The following RYR2 variants were observed in gnomAD, a reference collection of about 807,000 sequenced individuals.
The protein encoded by RYR2 is ryanodine receptor 2.
Under a neutral mutation model 601.1 loss-of-function variants are expected in RYR2, and 227 were observed. The ratio of observed to expected loss-of-function variants is 0.38; its 90% CI spans 0.34 to 0.42. The LOEUF is 0.42. Ranked by LOEUF, RYR2 falls within the 10% of genes least tolerant of loss-of-function variation. The pLI is 1.00. For synonymous variants in RYR2, 2,223 were observed against 2,175.1 expected (o/e 1.02, Z -0.61); for missense variants, 4,646 against 6,156.5 (o/e 0.75, Z 8.21).
intron 73 of RYR2, among the ~76,000 whole-genome samples, chr1:237,721,958 G>A (rs16835660): frequency 0.015 from 2,345 of 152,156 alleles, 19 homozygotes; most frequent in Middle Eastern, 0.037. Flanking sequence ...TTTCATATAC[G>A]TTTTTCACCA....
intron 62 of RYR2, among the ~76,000 whole-genome samples, chr1:237,683,612 G>A (rs990574986): frequency 6.6e-5 from 10 of 152,206 alleles, no homozygotes; most frequent in African/African-American, 2.4e-4. Context: ...TAATTTAGGG[G>A]AAAGGTAGGT....
At chr1:237,729,887 TATG>T (rs1690524589) in intron 76 of RYR2, among the ~76,000 whole-genome samples, 1 of 152,302 alleles carries the variant, frequency 6.6e-6, no homozygotes, top group South Asian at 2.1e-4. Context: ...AGACATGTTA[TATG>T]ATAATAGTCA....
At chr1:237,244,420 T>C (rs1319985713) in intron 1 of RYR2, among the ~76,000 whole-genome samples, 2 of 152,132 alleles carry the variant, frequency 1.3e-5, no homozygotes, top group African/African-American at 4.8e-5. Context: ...CGGCTCCATC[T>C]GCCCTTCTCT....
intron 33 of RYR2, among the ~76,000 whole-genome samples, chr1:237,593,997 G>T (rs1018375165): frequency 3.3e-5 from 5 of 152,184 alleles, no homozygotes; most frequent in African/African-American, 1.2e-4. Flanking sequence ...TCGGGAACTG[G>T]CTATGTGGTG....
At chr1:237,432,423 A>C (rs1044990728) in intron 12 of RYR2, among the ~76,000 whole-genome samples, 6 of 152,176 alleles carry the variant, frequency 3.9e-5, no homozygotes, top group African/African-American at 1.4e-4. Flanking sequence ...GGGCATAAAT[A>C]TATTCAGTTG....
At chr1:237,376,830 A>G (rs759721552) in intron 7 of RYR2, among the ~76,000 whole-genome samples, 22 of 152,250 alleles carry the variant, frequency 1.4e-4, no homozygotes, top group Non-Finnish European at 2.2e-4. Context: ...AGGATAGTAC[A>G]ATCTTTAGAT....
At chr1:237,069,822 T>G (rs551696955) in intron 1 of RYR2, among the ~76,000 whole-genome samples, 30 of 152,218 alleles carry the variant, frequency 2.0e-4, no homozygotes, top group Non-Finnish European at 1.5e-5. Flanking sequence ...GTTTTCACGT[T>G]AATACTGTTT....
intron 46 of RYR2, among the ~76,000 whole-genome samples, chr1:237,640,019 A>G (rs898546529): frequency 6.6e-6 from 1 of 151,266 alleles, no homozygotes; most frequent in African/African-American, 2.4e-5. Context: ...ACTCCCCACC[A>G]CACACACACA....
At chr1:237,500,634 C>G (rs755557697) in intron 20 of RYR2, 77 bp from the exon 21 acceptor site, 4 of 1,289,070 alleles carry the variant, frequency 3.1e-6, no homozygotes, top group Non-Finnish European at 4.3e-6. Context: ...TTATTCAAAT[C>G]TTTTGACTTT....
At chr1:237,095,360 C>T (rs1273809193) in intron 1 of RYR2, among the ~76,000 whole-genome samples, 3 of 152,134 alleles carry the variant, frequency 2.0e-5, no homozygotes, top group African/African-American at 7.2e-5. Context: ...CATGGCAGGG[C>T]CGTGCAGCAC....
At chr1:237,296,092 C>G (rs1040955632) in intron 2 of RYR2, among the ~76,000 whole-genome samples, 1 of 152,122 alleles carries the variant, frequency 6.6e-6, no homozygotes, top group Non-Finnish European at 1.5e-5. Flanking sequence ...GAGAGAGAAG[C>G]ATTGAATCTA....
At chr1:237,256,235 G>A (rs1373428516) in intron 1 of RYR2, among the ~76,000 whole-genome samples, 3 of 152,142 alleles carry the variant, frequency 2.0e-5, no homozygotes, top group East Asian at 1.9e-4. Flanking sequence ...CGTGTAAGAT[G>A]TGCCTTTCGC....
intron 35 of RYR2, among the ~76,000 whole-genome samples, chr1:237,606,694 A>G (rs1677164069): frequency 6.6e-6 from 1 of 152,250 alleles, no homozygotes; most frequent in African/African-American, 2.4e-5. Flanking sequence ...AAGGGCTAAT[A>G]TCCAGAATCT....
intron 1 of RYR2, among the ~76,000 whole-genome samples, chr1:237,108,339 A>G (rs562492897): frequency 5.3e-5 from 8 of 152,262 alleles, no homozygotes; most frequent in African/African-American, 1.9e-4. Context: ...GACAAAAACA[A>G]TGACTAGGAC....
At chr1:237,118,533 A>G (rs561308537) in intron 1 of RYR2, among the ~76,000 whole-genome samples, 24 of 152,160 alleles carry the variant, frequency 1.6e-4, no homozygotes, top group African/African-American at 5.3e-4. Flanking sequence ...CACAGAGACA[A>G]CGGTAGAATG....
intron 1 of RYR2, among the ~76,000 whole-genome samples, chr1:237,176,514 A>G (rs1408753907): frequency 6.6e-6 from 1 of 151,676 alleles, no homozygotes; most frequent in Non-Finnish European, 1.5e-5. Context: ...GTTGCACTGA[A>G]TAGCCTTTGA....
chr1:237,826,858 G>A (rs1402043814), intron 101 of RYR2, among the ~76,000 whole-genome samples: 1 of 152,026 alleles, frequency 6.6e-6, no homozygotes, highest in African/African-American at 2.4e-5. Flanking sequence ...TAAGGAACTT[G>A]GCCAAAGTGC....
Position 237,042,362 on chromosome 1 carries a change from G to T in RYR2, c.-160G>T. ...CCCGAGCGTCCGCGCCTCCTCCTCCGCTCTGCAGGCGGGGACCGCCCGGCG... is the reference window on the plus strand; with the variant it reads ...CCCGAGCGTCCGCGCCTCCTCCTCCTCTCTGCAGGCGGGGACCGCCCGGCG... On this transcript the variant is annotated 5_prime_UTR_variant, in exon 1 of 105. Coordinates refer to ENST00000366574, the MANE Select transcript of RYR2 (RefSeq NM_001035.3). The T allele has an allele frequency of 1.7e-6, 1 of 585,566 alleles. No homozygotes were observed. Among genetic ancestry groups the T allele is most frequent in the Non-Finnish European group, 2.4e-6 (1 of 423,524 alleles). 36.3% of individuals were successfully genotyped at this position (585,566 alleles called of 1,614,324 possible). A position where few individuals can be genotyped will look rare whatever the true frequency, so the allele number is the denominator to read the frequency against.
intron 13 of RYR2, among the ~76,000 whole-genome samples, chr1:237,443,637 C>T (rs906204491): frequency 2.0e-5 from 3 of 151,958 alleles, no homozygotes; most frequent in Non-Finnish European, 2.9e-5. Flanking sequence ...TGTATATTTA[C>T]GGGGGAAGTT....
Sources: gnomAD v4.1 joint callset for allele counts (sites outside exome capture counted in the v4.1 genomes callset) on GRCh38, gnomAD v4.1.1 for gene constraint, MANE v1.5 for transcripts, NCBI Gene and HGNC (gene_info 2026-07-23, HGNC 2026-07-21) for gene names.